Variants in TRIP12 observed in about 807,000 individuals in gnomAD.
TRIP12 encodes E3 ubiquitin-protein ligase TRIP12.
Under a neutral mutation model 244.2 loss-of-function variants are expected in TRIP12, and 25 were observed. The ratio of observed to expected loss-of-function variants is 0.10; its 90% confidence interval spans 0.07 to 0.14. The LOEUF is 0.14. Among genes scored for constraint, TRIP12 ranks in the 10% least tolerant of loss-of-function variants. The pLI is 1.00. For synonymous variants in TRIP12, 905 were observed against 873.1 expected, an observed-to-expected ratio of 1.04 and a Z score of -0.64; for missense variants, 1,677 against 2,486.4, an observed-to-expected ratio of 0.67 and a Z score of 6.92.
rs79684692 is a variant in TRIP12, at chr2:229,857,857, C to T, written c.1027+915G>A. The stretch of plus-strand genomic sequence containing the variant: ...TCTCAAAACACAAATTCTTTCTACT[C>T]CACTGTAAACTTTTAGAGAGCAATA... On this transcript the variant is annotated intron_variant, in intron 4 of 41. Coordinates refer to ENST00000675903, the MANE Select transcript of TRIP12 (RefSeq NM_001348323.3). Among the ~76,000 whole-genome samples, 726 of 152,276 alleles carry T rather than the reference C, an allele frequency of 4.8e-3. 7 individuals carry two copies. Among genetic ancestry groups the T allele is most frequent in the African/African-American group, 0.017 (695 of 41,542 alleles).
At chr2:229,798,846 G>C (rs2043472470) in intron 23 of TRIP12, 29 bp downstream of exon 23, 2 of 1,608,948 alleles carry the variant, frequency 1.2e-6, no homozygotes, top group South Asian at 1.1e-5. Context: ...TATGGGAATA[G>C]AAGAAACATA....
Position 229,840,828 on chromosome 2 carries a change from C to T in TRIP12, c.1127G>A (p.Ser376Asn). Residue 376 changes from serine to asparagine, a missense_variant, in exon 5 of 42, where the codon AGT becomes AAT. Ser to Asn is a conservative substitution (Grantham distance 46, BLOSUM62 1). Coordinates refer to ENST00000675903, the MANE Select transcript of TRIP12 (RefSeq NM_001348323.3). ...AAAAAAAAAAACAAATTACCTGGTA[C>T]TAGCACAGGAGCCCGTGGTCTTTTG... ...TRQKTTGSCA[S>N]TSRRGSGLGK... The T allele has an allele frequency of 6.3e-7, 1 of 1,581,582 alleles. No individual in the cohort carries two copies. The highest frequency in any genetic ancestry group is 2.2e-5 in the East Asian group (1 of 44,488).
At chr2:229,790,931 T>C (rs1386596902) in intron 30 of TRIP12, among the ~76,000 whole-genome samples, 193 bp downstream of exon 30, 1 of 152,258 alleles carries the variant, frequency 6.6e-6, no homozygotes, top group Admixed American at 6.5e-5. Flanking sequence ...AATTTAATTT[T>C]GTAGGTACTT....
At chr2:229,899,957 C>G (rs74751612) in intron 1 of TRIP12, among the ~76,000 whole-genome samples, 1 of 152,230 alleles carries the variant, frequency 6.6e-6, no homozygotes, top group African/African-American at 2.4e-5. Context: ...ATATAGAAGG[C>G]GCTAATAGGT....
At position 229,879,982 on chromosome 2, in the gene TRIP12, C is replaced by T. The variant is rs2154353729; in HGVS notation, c.98G>A (p.Arg33Lys). Residue 33 changes from arginine (R) to lysine (K), a missense_variant and splice_region_variant, in exon 2 of 42, where the codon AGG (arginine) becomes AAG (lysine). Transcript: ENST00000675903. The stretch of plus-strand genomic sequence containing the variant: ...TTTCAAATTACCATGAAATACATAC[C>T]TTCCTCCTATTGAGTCGTCTTGTGG... ...AQPQDDSIGG[R>K]SHLGQAKHKG... 6.2e-7 allele frequency: 1 copy of T among 1,613,834 alleles called. No homozygotes were observed. The highest frequency in any genetic ancestry group is 8.5e-7 in the Non-Finnish European group (1 of 1,179,888).
At chr2:229,774,541 A>G (rs2035603106) in intron 37 of TRIP12, among the ~76,000 whole-genome samples, 1 of 152,226 alleles carries the variant, frequency 6.6e-6, no homozygotes, top group South Asian at 2.1e-4. Flanking sequence ...CAGTAAGTGC[A>G]TAATAGGTTG....
At chr2:229,806,144 A>C in intron 17 of TRIP12, 1 of 298,858 alleles carries the variant, frequency 3.3e-6, no homozygotes, top group East Asian at 5.3e-5. Context: ...ATCTTGATGA[A>C]AGATCCACCT....
At chr2:229,794,848 A>T (rs968565178) in intron 26 of TRIP12, 70 of 165,802 alleles carry the variant, frequency 4.2e-4, no homozygotes, top group Non-Finnish European at 1.9e-4. Context: ...GCCACAAAAA[A>T]TTTTTTATCC....
At chr2:229,796,964 T>A (rs757792876) in intron 24 of TRIP12, among the ~76,000 whole-genome samples, 182 bp from the exon 25 acceptor site, 2 of 149,840 alleles carry the variant, frequency 1.3e-5, no homozygotes, top group Admixed American at 6.7e-5. Context: ...ACACACACAC[T>A]AAATATTTCA....
chr2:229,793,998 C>T (rs975068684), intron 26 of TRIP12, among the ~76,000 whole-genome samples: 1 of 152,004 alleles, frequency 6.6e-6, no homozygotes, highest in East Asian at 1.9e-4. Context: ...GGAGAATATT[C>T]CATTTTATGA....
At position 229,778,739 on chromosome 2, in the gene TRIP12, T is replaced by C. The variant is rs532326182; in HGVS notation, c.5209+137A>G. ...TCTAGAACTGGACAGGCCTTCCCTA[T>C]TTGATAAATGAGAAAACAGAGGCTA... On this transcript the variant is annotated intron_variant, in intron 35 of 41. Transcript: ENST00000675903. This position sits in a 1 kb window ranked among gnomAD's most constrained non-coding sequence, Gnocchi z 4.1. 4.8e-5 allele frequency: 64 copies of C among 1,337,258 alleles called. No individual in the cohort carries two copies. The East Asian group carries it at 1.5e-3, about 30-fold the overall frequency. The allele number at this position is 1,337,258 out of a possible 1,614,324, so 82.8% of individuals were successfully genotyped here.
chr2:229,800,610 A>AT (rs2044036173), intron 21 of TRIP12, among the ~76,000 whole-genome samples: 1 of 152,202 alleles, frequency 6.6e-6, no homozygotes, highest in African/African-American at 2.4e-5. Context: ...ATTAACATGA[A>AT]TTTTTCATTT....
At position 229,815,324 on chromosome 2, in the gene TRIP12, CAA is replaced by C. The variant is rs752541694; in HGVS notation, c.1600-18_1600-17del. On this transcript the variant is annotated splice_polypyrimidine_tract_variant and intron_variant, in intron 9 of 41. Coordinates refer to ENST00000675903, the MANE Select transcript of TRIP12 (RefSeq NM_001348323.3). ...GTAACGTAATCTGTTAAAAAGATAA[CAA>C]AATATTAGAAGCTATATTCCTTGGG... The C allele has an allele frequency of 7.3e-7, 1 of 1,374,452 alleles. No homozygotes were observed. The highest frequency in any genetic ancestry group is 1.0e-6 in the Non-Finnish European group (1 of 986,576). The allele number at this position is 1,374,452 out of a possible 1,614,324, so 85.1% of individuals were successfully genotyped here.
chr2:229,819,209 G>A (rs557827423), intron 8 of TRIP12, among the ~76,000 whole-genome samples: 9 of 152,242 alleles, frequency 5.9e-5, no homozygotes, highest in African/African-American at 2.2e-4. Context: ...AACAACCACA[G>A]AGAAGTACGT....
At chr2:229,822,288 C>A (rs1234298222) in intron 8 of TRIP12, among the ~76,000 whole-genome samples, 1 of 152,198 alleles carries the variant, frequency 6.6e-6, no homozygotes, top group East Asian at 1.9e-4. Context: ...CAGCTGGTAC[C>A]TGAACTCCCA....
chr2:229,777,685 T>C (rs942485407), intron 36 of TRIP12, among the ~76,000 whole-genome samples: 1 of 152,232 alleles, frequency 6.6e-6, no homozygotes, highest in South Asian at 2.1e-4. Flanking sequence ...CTGTAGTCTG[T>C]ATTACTGAAT....
chr2:229,912,537 C>T (rs1211506751), intron 1 of TRIP12, among the ~76,000 whole-genome samples: 1 of 152,134 alleles, frequency 6.6e-6, no homozygotes, highest in Non-Finnish European at 1.5e-5. Flanking sequence ...CACAATTACA[C>T]CTTTAAGCTC....
At chr2:229,885,542 A>T (rs935718172) in intron 1 of TRIP12, among the ~76,000 whole-genome samples, 1 of 152,224 alleles carries the variant, frequency 6.6e-6, no homozygotes, top group Non-Finnish European at 1.5e-5. Context: ...CCAGATAAAG[A>T]AGGAAATGAC....
Position 229,916,039 on chromosome 2 carries a change from TAA to T in TRIP12, c.-50+5839_-50+5840del, listed in dbSNP as rs200496026. On this transcript the variant is annotated intron_variant, in intron 1 of 41. Coordinates refer to ENST00000675903, the MANE Select transcript of TRIP12 (RefSeq NM_001348323.3). ...GCATATAACAGAGGTATGTTCGAGT[TAA>T]AAGAGTTTTAACAAATGAGGCAATG... is the stretch of plus-strand genomic sequence containing the variant. 7.1e-3 allele frequency among the ~76,000 whole-genome samples: 1,089 copies of T among 152,320 alleles called. 9 individuals carry two copies. Among genetic ancestry groups the T allele is most frequent in the African/African-American group, 0.025 (1,028 of 41,548 alleles).
Sources: allele counts gnomAD v4.1 joint callset (sites outside exome capture counted in the v4.1 genomes callset), GRCh38; gene constraint gnomAD v4.1.1; non-coding constraint Gnocchi (gnomAD v3.1); transcripts MANE v1.5; gene names NCBI Gene and HGNC (gene_info 2026-07-23, HGNC 2026-07-21).